Variants in PHC2 observed in about 807,000 individuals in gnomAD.
The protein encoded by PHC2 is polyhomeotic-like protein 2.
In PHC2, 29 loss-of-function variants were observed where a neutral mutation model predicts 87.4. That is an observed-to-expected ratio of 0.33 (90% CI 0.25 to 0.45). The LOEUF is 0.45. Among genes scored for constraint, PHC2 ranks in the 20% least tolerant of loss-of-function variants. The probability of loss-of-function intolerance (pLI) is 1.00; values close to 1 mark genes in which losing one functional copy is unlikely to be tolerated. For synonymous variants in PHC2, 438 were observed against 461.7 expected (o/e 0.95, Z 0.66); for missense variants, 857 against 1,136.7 (o/e 0.75, Z 3.54).
intron 1 of PHC2, among the ~76,000 whole-genome samples, chr1:33,428,672 T>C (rs1650780123): frequency 6.6e-6 from 1 of 152,214 alleles, no homozygotes; most frequent in South Asian, 2.1e-4. Context: ...TAGAGATAGA[T>C]GCTAAGACAG....
chr1:33,384,620 C>T (rs1648650601), intron 1 of PHC2, among the ~76,000 whole-genome samples: 1 of 152,192 alleles, frequency 6.6e-6, no homozygotes, highest in Admixed American at 6.5e-5. Context: ...CAGACCTTTC[C>T]CTCTGCCTGG....
intron 7 of PHC2, chr1:33,359,091 T>G (rs1314250350): frequency 6.6e-6 from 1 of 152,218 alleles, no homozygotes; most frequent in Non-Finnish European, 1.5e-5. Context: ...ATGACACCTA[T>G]CTCAGAGTTA....
chr1:33,426,701 A>T (rs1307879735), intron 1 of PHC2, among the ~76,000 whole-genome samples: 1 of 152,130 alleles, frequency 6.6e-6, no homozygotes. Flanking sequence ...CAGAGTCCAA[A>T]ATGAGGGGAC....
At chr1:33,389,092 A>C (rs980998986) in intron 1 of PHC2, among the ~76,000 whole-genome samples, 2 of 151,350 alleles carry the variant, frequency 1.3e-5, no homozygotes, top group African/African-American at 4.9e-5. Context: ...AAGAAAAAAA[A>C]CCCCCTCACC....
Position 33,328,863 on chromosome 1 carries a change from G to T in PHC2, c.2425+7C>A. The T allele has an allele frequency of 6.3e-7, 1 of 1,599,746 alleles. No individual in the cohort carries two copies. Among genetic ancestry groups the T allele is most frequent in the Non-Finnish European group, 8.6e-7 (1 of 1,168,794 alleles). The stretch of plus-strand genomic sequence containing the variant: ...CCGGGGAGACATGGAATTTCCAAGG[G>T]CCTTACCTGGCAGAGAGCGGATGAA... On this transcript the variant is annotated splice_region_variant and intron_variant, in intron 14 of 14. Transcript: ENST00000683057.
chr1:33,416,934 C>T (rs1290969315), intron 1 of PHC2, among the ~76,000 whole-genome samples: 1 of 151,970 alleles, frequency 6.6e-6, no homozygotes, highest in African/African-American at 2.4e-5. Context: ...TAATTGACTA[C>T]TTAAAGTAAT....
chr1:33,383,209 C>A (rs775117260), intron 1 of PHC2, among the ~76,000 whole-genome samples: 4 of 152,210 alleles, frequency 2.6e-5, no homozygotes, highest in Non-Finnish European at 5.9e-5. Flanking sequence ...ACATAAGTGT[C>A]CTGATTTGTT....
In PHC2 at chr1:33,373,227, C is replaced by T. The variant is rs549426685; in HGVS notation, c.175-780G>A. Reference sequence around the variant, plus strand: ...CTGCCTCCCTAGTTCAAGTGATTCTCCTGCCTCAGCCTCCCAAGGAGCTGG... The same window carrying T: ...CTGCCTCCCTAGTTCAAGTGATTCTTCTGCCTCAGCCTCCCAAGGAGCTGG... On this transcript the variant is annotated intron_variant, in intron 2 of 14. Transcript: ENST00000683057. 6.6e-5 allele frequency among the ~76,000 whole-genome samples: 10 copies of T among 152,284 alleles called. No individual in the cohort carries two copies. The South Asian group carries it at 2.1e-3, about 32-fold the overall frequency.
rs1557818082 is a variant in PHC2, at chr1:33,332,451, C to T, written c.1762-47G>A. The T allele has an allele frequency of 1.9e-6, 3 of 1,611,676 alleles. No homozygotes were observed. Among genetic ancestry groups the T allele is most frequent in the African/African-American group, 1.3e-5 (1 of 74,884 alleles). The stretch of plus-strand genomic sequence containing the variant: ...GGCCGTGAGGGTCAGGTGGGAGCGG[C>T]TTCCTTGCTATCCATCCTCATCACA... On this transcript the variant is annotated intron_variant, in intron 10 of 14. Transcript: ENST00000683057. The surrounding 1 kb of genome is among the most constrained non-coding windows in gnomAD (Gnocchi z 4.2).
At chr1:33,340,291 C>T (rs1189923171) in intron 9 of PHC2, among the ~76,000 whole-genome samples, 1 of 152,164 alleles carries the variant, frequency 6.6e-6, no homozygotes, top group Non-Finnish European at 1.5e-5. Context: ...ACAAGGTCAC[C>T]TATAAAACCC....
chr1:33,328,967 A>G lies in PHC2; in HGVS notation c.2328T>C (p.His776=). 2.5e-6 allele frequency: 4 copies of G among 1,614,072 alleles called. No individual in the cohort carries two copies. The highest frequency in any genetic ancestry group is 2.5e-6 in the Non-Finnish European group (3 of 1,179,946). The change falls in exon 14 of 15, where the codon CAT becomes CAC. Residue 776 remains histidine, a synonymous_variant. Coordinates refer to ENST00000683057, the MANE Select transcript of PHC2 (RefSeq NM_001385109.1). ...GQRDLELPDM[H]MRDLVGMGHH... is the part of the protein sequence containing the mutation. The stretch of plus-strand genomic sequence containing the variant: ...GTCCCATGCCCACCAGGTCCCGCAT[A>G]TGCATGTCGGGGAGCTCCAGGTCCC...
chr1:33,362,098 A>G (rs1647207619), intron 7 of PHC2, among the ~76,000 whole-genome samples: 1 of 152,180 alleles, frequency 6.6e-6, no homozygotes, highest in African/African-American at 2.4e-5. Flanking sequence ...AGGTGGTGCA[A>G]TCTTAGATAA....
chr1:33,414,650 T>C (rs1243390011), intron 1 of PHC2, among the ~76,000 whole-genome samples: 1 of 152,204 alleles, frequency 6.6e-6, no homozygotes, highest in African/African-American at 2.4e-5. Context: ...GAAATTCCTT[T>C]TCAACCCTCT....
At chr1:33,418,153 A>G (rs1650284522) in intron 1 of PHC2, among the ~76,000 whole-genome samples, 1 of 152,192 alleles carries the variant, frequency 6.6e-6, no homozygotes, top group African/African-American at 2.4e-5. Flanking sequence ...CATTAACCTC[A>G]GCTTCTATTT....
chr1:33,335,899 T>TG (rs1365523578), intron 9 of PHC2, among the ~76,000 whole-genome samples: 194 of 119,446 alleles, frequency 1.6e-3, no homozygotes, highest in African/African-American at 5.3e-3. Context: ...GACTCTATCT[T>TG]GGGGGGGGAG....
intron 2 of PHC2, among the ~76,000 whole-genome samples, chr1:33,373,705 C>A (rs1283296646): frequency 1.3e-5 from 2 of 152,148 alleles, no homozygotes; most frequent in African/African-American, 4.8e-5. Context: ...CCAGTTGATG[C>A]CCTGCACTGG....
chr1:33,329,222 C>T, intron 13 of PHC2, 76 bp from the exon 14 acceptor site: 2 of 1,483,938 alleles, frequency 1.3e-6, no homozygotes, highest in Non-Finnish European at 1.8e-6. Context: ...GGAGGTATTT[C>T]TCCTTTTTCT....
chr1:33,330,410 T>C (rs541215988), intron 12 of PHC2, among the ~76,000 whole-genome samples, 198 bp from the exon 13 acceptor site: 2 of 152,184 alleles, frequency 1.3e-5, no homozygotes, highest in Non-Finnish European at 2.9e-5. Flanking sequence ...TTATCTGGAG[T>C]TGGGGGTAAT....
In PHC2 at chr1:33,369,014, C is replaced by T. The variant is rs998392190; in HGVS notation, c.577-392G>A. 6.6e-6 allele frequency among the ~76,000 whole-genome samples: 1 copy of T among 152,118 alleles called. No homozygotes were observed. The highest frequency in any genetic ancestry group is 2.4e-5 in the African/African-American group (1 of 41,420). ...ACCACCTCCTTAGCGTCCTGGGAAG[C>T]GAGATGGATGCCCTAGGACCACCTT... On this transcript the variant is annotated intron_variant, in intron 5 of 14. Transcript: ENST00000683057. This position sits in a 1 kb window ranked among gnomAD's most constrained non-coding sequence, Gnocchi z 4.7.
Sources: allele counts gnomAD v4.1 joint callset (sites outside exome capture counted in the v4.1 genomes callset), GRCh38; gene constraint gnomAD v4.1.1; non-coding constraint Gnocchi (gnomAD v3.1); transcripts MANE v1.5; gene names NCBI Gene and HGNC (gene_info 2026-07-23, HGNC 2026-07-21).